FSTL3: variants seen among roughly 807,000 people sequenced by gnomAD.
FSTL3 encodes the protein follistatin-related protein 3.
FSTL3 carries 21 observed loss-of-function variants against 28.1 expected under a neutral mutation model. The observed-to-expected ratio is 0.75, with a 90% CI of 0.53 to 1.08. The LOEUF is 1.08. Among genes scored for constraint, FSTL3 ranks in the 50% least tolerant of loss-of-function variants. The pLI, the probability that FSTL3 is intolerant of heterozygous loss-of-function variation, is 0.00. For missense variants in FSTL3, 400 were observed against 380.9 expected (o/e 1.05, Z -0.42); for synonymous variants, 199 against 164.2 (o/e 1.21, Z -1.62).
intron 1 of FSTL3, among the ~76,000 whole-genome samples, chr19:677,422 G>A (rs55846824): frequency 0.022 from 3,330 of 152,268 alleles, 52 homozygotes; most frequent in South Asian, 0.034. Context: ...GCAGAGGCGG[G>A]AGAAGCGGCT....
At position 683,103 on chromosome 19, in the gene FSTL3, C is replaced by T. The variant is rs80087121; in HGVS notation, c.*1395C>T. On this transcript the variant is annotated 3_prime_UTR_variant, in exon 5 of 5. Coordinates refer to ENST00000166139, the MANE Select transcript of FSTL3 (RefSeq NM_005860.3). ...TCCCACGACGGCTCACCCTCCCCTC[C>T]ATCTGCGTTGATGCTCAGAATCGCC... 1,929 of 233,292 alleles carry T rather than the reference C, an allele frequency of 8.3e-3. 101 individuals are homozygous for T. In the East Asian group the frequency reaches 0.11, roughly 13 times the overall value. The allele number at this position is 233,292 out of a possible 1,614,324, so 14.5% of individuals were successfully genotyped here.
At chr19:679,813 C>T (rs1376001654) in intron 2 of FSTL3, among the ~76,000 whole-genome samples, 1 of 152,176 alleles carries the variant, frequency 6.6e-6, no homozygotes, top group Non-Finnish European at 1.5e-5. Context: ...CTCCCCGACG[C>T]CTCCTGGGGG....
chr19:676,639 T>G, intron 1 of FSTL3, 113 bp downstream of exon 1: 1 of 311,704 alleles, frequency 3.2e-6, no homozygotes, highest in Non-Finnish European at 5.7e-6. Flanking sequence ...GCGAGGGCGG[T>G]GTCCGGCGCA....
In FSTL3 at chr19:681,912, C is replaced by A; in HGVS notation, c.*204C>A. On this transcript the variant is annotated 3_prime_UTR_variant, in exon 5 of 5. Coordinates refer to ENST00000166139, the MANE Select transcript of FSTL3 (RefSeq NM_005860.3). ...GGGGCCGGCTGGTGGGTGGGATAGA[C>A]CTGCGTTCCGGACACTGAGCGCCTG... The A allele has an allele frequency of 1.6e-6, 1 of 608,426 alleles. No homozygotes were observed. Among genetic ancestry groups the A allele is most frequent in the Non-Finnish European group, 2.9e-6 (1 of 341,800 alleles). 37.7% of individuals were successfully genotyped at this position (608,426 alleles called of 1,614,324 possible).
At chr19:679,206 G>C (rs903884205) in intron 2 of FSTL3, among the ~76,000 whole-genome samples, 31 of 152,070 alleles carry the variant, frequency 2.0e-4, no homozygotes, top group Non-Finnish European at 4.1e-4. Context: ...CCCTGGGGAC[G>C]GAACTCAGGC....
At chr19:681,237 C>G (rs2031326365) in intron 3 of FSTL3, 96 bp from the exon 4 acceptor site, 3 of 843,860 alleles carry the variant, frequency 3.6e-6, no homozygotes, top group East Asian at 2.7e-5. Context: ...AGAGGGTTTT[C>G]GCATCTTGGG....
chr19:678,513 T>G (rs1477956149), intron 2 of FSTL3, among the ~76,000 whole-genome samples: 5 of 124,324 alleles, frequency 4.0e-5, no homozygotes, highest in African/African-American at 6.7e-5. Flanking sequence ...TTTTTTTTTT[T>G]TTTTTTTTTT....
Position 681,563 on chromosome 19 carries a change from G to A in FSTL3, c.733+3G>A, listed in dbSNP as rs201785071. On this transcript the variant is annotated splice_donor_region_variant and intron_variant, in intron 4 of 4. Coordinates refer to ENST00000166139, the MANE Select transcript of FSTL3 (RefSeq NM_005860.3). ...GCGCCACGCGGGCAGCTGCGCAGGT[G>A]CAGACGCAGGGCGGGGGCACAGGCC... 123 of 1,605,350 alleles carry A rather than the reference G, an allele frequency of 7.7e-5. No individual in the cohort carries two copies. In the African/African-American group the frequency reaches 1.5e-3, roughly 19 times the overall value.
rs1352532218 is a variant in FSTL3, at chr19:683,235, G to A, written c.*1527G>A. 3 of 232,960 alleles carry A rather than the reference G, an allele frequency of 1.3e-5. No individual in the cohort carries two copies. Among genetic ancestry groups the A allele is most frequent in the African/African-American group, 6.6e-5 (3 of 45,246 alleles). The allele number at this position is 232,960 out of a possible 1,614,324, so 14.4% of individuals were successfully genotyped here. A position where few individuals can be genotyped will look rare whatever the true frequency, so the allele number is the denominator to read the frequency against. ...TGGGGTGAGGAATGTGGGGAGCTTG[G>A]GCATCCTCCTCCAGCCTCCTCCAGC... On this transcript the variant is annotated 3_prime_UTR_variant, in exon 5 of 5. Coordinates refer to ENST00000166139, the MANE Select transcript of FSTL3 (RefSeq NM_005860.3).
Position 676,963 on chromosome 19 carries a change from G to A in FSTL3, c.103+437G>A, listed in dbSNP as rs879349002. On this transcript the variant is annotated intron_variant, in intron 1 of 4. Coordinates refer to ENST00000166139, the MANE Select transcript of FSTL3 (RefSeq NM_005860.3). ...TCCAGCTGGGGCTGAGAGCTTTCCC[G>A]GGTCCTGGGTAGACGGGGCATGGAG... Among the ~76,000 whole-genome samples, 20 of 152,188 alleles carry A rather than the reference G, an allele frequency of 1.3e-4. No homozygotes were observed. The East Asian group carries it at 1.7e-3, about 13-fold the overall frequency.
chr19:681,199 G>GC (rs2031325503), intron 3 of FSTL3, 134 bp from the exon 4 acceptor site: 1 of 615,286 alleles, frequency 1.6e-6, no homozygotes, highest in Non-Finnish European at 2.8e-6. Context: ...GGCTCACGGG[G>GC]GGCGGGGGGG....
At position 678,888 on chromosome 19, in the gene FSTL3, C is replaced by T. The variant is rs930136646; in HGVS notation, c.289+911C>T. Reference sequence around the variant, plus strand: ...TGTCTAGGAGTTTGCCAGATGGGGCCGGTATGGGAGAGTGGATCAGGAGAG... The same window carrying T: ...TGTCTAGGAGTTTGCCAGATGGGGCTGGTATGGGAGAGTGGATCAGGAGAG... On this transcript the variant is annotated intron_variant, in intron 2 of 4. Coordinates refer to ENST00000166139, the MANE Select transcript of FSTL3 (RefSeq NM_005860.3). Among the ~76,000 whole-genome samples the T allele has an allele frequency of 7.2e-5, 11 of 151,922 alleles. No individual in the cohort carries two copies. In the East Asian group the frequency reaches 1.2e-3, roughly 16 times the overall value.
rs1202906986 is a variant in FSTL3, at chr19:681,394, C to T, written c.567C>T (p.Ser189=). ...PQSCVVDQTG[S]AHCVVCRAAP... ...CGTGCGTCGTGGACCAGACGGGCAGCGCCCACTGCGTGGTGTGTCGAGCGG... is the reference window on the plus strand; with the variant it reads ...CGTGCGTCGTGGACCAGACGGGCAGTGCCCACTGCGTGGTGTGTCGAGCGG... The change falls in exon 4 of 5, where the codon AGC becomes AGT. Residue 189 remains serine (S), a synonymous_variant. Transcript: ENST00000166139. 18 of 1,593,722 alleles carry T rather than the reference C, an allele frequency of 1.1e-5. No homozygotes were observed. Among genetic ancestry groups the T allele is most frequent in the Non-Finnish European group, 1.5e-5 (18 of 1,177,430 alleles).
chr19:678,068 T>C, intron 2 of FSTL3, 91 bp downstream of exon 2: 2 of 1,259,572 alleles, frequency 1.6e-6, no homozygotes, highest in Non-Finnish European at 2.2e-6. Context: ...GTCCAGGGAC[T>C]GAGCCCGTCA....
In FSTL3 at chr19:680,488, C is replaced by G. The variant is rs1398618128; in HGVS notation, c.504C>G (p.Arg168=). 7 of 1,246,638 alleles carry G rather than the reference C, an allele frequency of 5.6e-6. No homozygotes were observed. Among genetic ancestry groups the G allele is most frequent in the Non-Finnish European group, 7.0e-6 (7 of 994,926 alleles). 77.2% of individuals were successfully genotyped at this position (1,246,638 alleles called of 1,614,324 possible). A position where few individuals can be genotyped will look rare whatever the true frequency, so the allele number is the denominator to read the frequency against. ...GCGTCATGTACCGGGGCCGCTGCCG[C>G]AGTACGTGGGGGCGTGGTCTGTGGA... The part of the protein sequence containing the change: ...DLSVMYRGRC[R]KSCEHVVCPR... Residue 168 remains arginine, a splice_region_variant and synonymous_variant, in exon 3 of 5, where the codon CGC becomes CGG. Transcript: ENST00000166139.
chr19:682,317 G>T lies in FSTL3; in HGVS notation c.*609G>T. 1 of 249,736 alleles carries T rather than the reference G, an allele frequency of 4.0e-6. No homozygotes were observed. Among genetic ancestry groups the T allele is most frequent in the East Asian group, 5.8e-5 (1 of 17,250 alleles). The allele number at this position is 249,736 out of a possible 1,614,324, so 15.5% of individuals were successfully genotyped here. The stretch of plus-strand genomic sequence containing the variant: ...GGGTGAGTATGGAGGGTCTAGCCTG[G>T]GTGTGTATGGAGGGTCTAGCCTGGG... On this transcript the variant is annotated 3_prime_UTR_variant, in exon 5 of 5. Coordinates refer to ENST00000166139, the MANE Select transcript of FSTL3 (RefSeq NM_005860.3).
At chr19:681,111 C>T (rs993797722) in intron 3 of FSTL3, among the ~76,000 whole-genome samples, 1 of 144,522 alleles carries the variant, frequency 6.9e-6, no homozygotes, top group Non-Finnish European at 1.5e-5. Flanking sequence ...CAGGAGCTCA[C>T]GAAAGAGGTG....
intron 1 of FSTL3, among the ~76,000 whole-genome samples, chr19:677,589 C>T (rs984747971): frequency 6.0e-5 from 9 of 150,716 alleles, no homozygotes; most frequent in East Asian, 1.9e-4. Context: ...GGGGGGGGCA[C>T]GTGGAGCTCA....
In FSTL3 at chr19:681,637, T is replaced by C. The variant is rs376159831; in HGVS notation, c.734-13T>C. On this transcript the variant is annotated splice_polypyrimidine_tract_variant and intron_variant, in intron 4 of 4. Coordinates refer to ENST00000166139, the MANE Select transcript of FSTL3 (RefSeq NM_005860.3). ...CTGCCCTGCGCCCTCAATGCTCTTA[T>C]CGACCCTTGCAGGCACCCCTGAGGA... 48 of 1,585,536 alleles carry C rather than the reference T, an allele frequency of 3.0e-5. No individual in the cohort carries two copies. The East Asian group carries it at 4.6e-4, about 15-fold the overall frequency.
Sources: gnomAD v4.1 joint callset for allele counts (sites outside exome capture counted in the v4.1 genomes callset) on GRCh38, gnomAD v4.1.1 for gene constraint, MANE v1.5 for transcripts, NCBI Gene and HGNC (gene_info 2026-07-23, HGNC 2026-07-21) for gene names.